Variants in RGS6 observed in about 807,000 individuals in gnomAD.
The protein encoded by RGS6 is regulator of G-protein signaling 6.
Under a neutral mutation model 78.5 loss-of-function variants are expected in RGS6, and 30 were observed. That is an observed-to-expected ratio of 0.38 (90% CI 0.29 to 0.52). The LOEUF is 0.52. Ranked by LOEUF, RGS6 falls within the 20% of genes least tolerant of loss-of-function variation. The pLI is 0.85. For missense variants in RGS6, 495 were observed against 609.7 expected (o/e 0.81, Z 1.98); for synonymous variants, 206 against 206.0 (o/e 1.00, Z 0.00).
At chr14:71,911,830 A>G in the RGS6 span, among the ~76,000 whole-genome samples, 50 of 152,194 alleles carry the variant, frequency 3.3e-4, no homozygotes, top group Non-Finnish European at 3.7e-4. Flanking sequence ...GGAGGAAGAG[A>G]AGGGTGAGAC....
At chr14:71,944,751 C>T (rs565710240) in intron 1 of RGS6, among the ~76,000 whole-genome samples, 4 of 152,266 alleles carry the variant, frequency 2.6e-5, no homozygotes, top group South Asian at 2.1e-4. Flanking sequence ...AATACAGTCA[C>T]GTGTCACTTA....
At chr14:72,623,034 T>C in the RGS6 span, among the ~76,000 whole-genome samples, 1 of 152,224 alleles carries the variant, frequency 6.6e-6, no homozygotes, top group East Asian at 1.9e-4. Flanking sequence ...TCCAGATTAA[T>C]CTCTAAGATA....
At chr14:71,992,350 CTAAA>C (rs2094994581) in intron 2 of RGS6, among the ~76,000 whole-genome samples, 2 of 152,290 alleles carry the variant, frequency 1.3e-5, no homozygotes, top group South Asian at 4.1e-4. Context: ...TTTTTAATGC[CTAAA>C]TAGTGTTCTA....
the RGS6 span, among the ~76,000 whole-genome samples, chr14:72,612,952 T>C: frequency 6.6e-6 from 1 of 151,778 alleles, no homozygotes; most frequent in Non-Finnish European, 1.5e-5. Context: ...CCTCTTGTCC[T>C]GGAGCAACAT....
At chr14:72,532,960 A>G (rs908320098) in intron 15 of RGS6, among the ~76,000 whole-genome samples, 2 of 152,260 alleles carry the variant, frequency 1.3e-5, no homozygotes, top group Admixed American at 1.3e-4. Flanking sequence ...AGATCTAGCT[A>G]AGATCATTGA....
At chr14:72,589,193 T>C in the RGS6 span, among the ~76,000 whole-genome samples, 1 of 151,950 alleles carries the variant, frequency 6.6e-6, no homozygotes, top group Non-Finnish European at 1.5e-5. Flanking sequence ...AATAAAGATA[T>C]CCAGAGCTAG....
chr14:72,430,522 G>A (rs1566827489), intron 3 of RGS6, among the ~76,000 whole-genome samples: 3 of 152,176 alleles, frequency 2.0e-5, no homozygotes, highest in Non-Finnish European at 2.9e-5. Context: ...ACCTTTGTTG[G>A]CTGCACAACA....
chr14:72,090,151 AAC>A (rs2095218652), intron 2 of RGS6, among the ~76,000 whole-genome samples: 1 of 151,938 alleles, frequency 6.6e-6, no homozygotes, highest in South Asian at 2.1e-4. Flanking sequence ...ACAGTGGCTA[AAC>A]ACAAAACCAG....
chr14:72,537,624 T>A (rs2097268051), intron 16 of RGS6: 1 of 694,156 alleles, frequency 1.4e-6, no homozygotes, highest in East Asian at 2.7e-5. Context: ...CCCTCATACA[T>A]GGCTCTAATG....
At chr14:72,572,570 C>T in the RGS6 span, among the ~76,000 whole-genome samples, 1 of 152,134 alleles carries the variant, frequency 6.6e-6, no homozygotes, top group Non-Finnish European at 1.5e-5. Flanking sequence ...TGTATGACTC[C>T]ATTTACAAAG....
At chr14:72,449,691 G>T (rs1388363760) in intron 3 of RGS6, among the ~76,000 whole-genome samples, 2 of 152,196 alleles carry the variant, frequency 1.3e-5, no homozygotes, top group African/African-American at 4.8e-5. Flanking sequence ...GTGCAGGTTG[G>T]CACCCTTAGG....
chr14:72,248,432 TAAATC>T (rs2054788643), intron 2 of RGS6, among the ~76,000 whole-genome samples: 1 of 152,234 alleles, frequency 6.6e-6, no homozygotes, highest in African/African-American at 2.4e-5. Context: ...TTGCTAATTT[TAAATC>T]AATTCATAAA....
chr14:72,376,609 C>A (rs1274481585), intron 3 of RGS6, among the ~76,000 whole-genome samples: 1 of 152,114 alleles, frequency 6.6e-6, no homozygotes, highest in Non-Finnish European at 1.5e-5. Flanking sequence ...ATAAGGTAAT[C>A]TCCATCAGAT....
At chr14:72,616,373 T>A in the RGS6 span, among the ~76,000 whole-genome samples, 92 of 152,250 alleles carry the variant, frequency 6.0e-4, no homozygotes, top group African/African-American at 2.0e-3. Context: ...CCCAACCCCA[T>A]GTACATCCCT....
intron 2 of RGS6, among the ~76,000 whole-genome samples, chr14:72,348,648 A>G (rs567477350): frequency 5.3e-5 from 8 of 152,346 alleles, no homozygotes; most frequent in African/African-American, 7.2e-5. Flanking sequence ...AATAGTATAT[A>G]TAGTCCCTAA....
At chr14:72,041,197 G>T (rs1325919153) in intron 2 of RGS6, among the ~76,000 whole-genome samples, 1 of 152,176 alleles carries the variant, frequency 6.6e-6, no homozygotes, top group African/African-American at 2.4e-5. Flanking sequence ...ACAACAACCA[G>T]CTCTTCCAGT....
intron 2 of RGS6, among the ~76,000 whole-genome samples, chr14:71,988,479 T>C (rs913179849): frequency 3.3e-5 from 5 of 152,310 alleles, no homozygotes; most frequent in African/African-American, 1.2e-4. Context: ...GTGAACATTA[T>C]GTGAAATTCA....
At chr14:72,167,057 T>C (rs1164310810) in intron 2 of RGS6, among the ~76,000 whole-genome samples, 1 of 152,246 alleles carries the variant, frequency 6.6e-6, no homozygotes, top group Non-Finnish European at 1.5e-5. Context: ...AAGTCATTTT[T>C]TTTTCATACC....
intron 2 of RGS6, among the ~76,000 whole-genome samples, chr14:72,223,704 A>G (rs2047420423): frequency 6.6e-6 from 1 of 152,266 alleles, no homozygotes; most frequent in Admixed American, 6.5e-5. Context: ...TGGTTTACCC[A>G]GAGATGCAAT....
Sources: allele counts gnomAD v4.1 joint callset (sites outside exome capture counted in the v4.1 genomes callset), GRCh38; gene constraint gnomAD v4.1.1; transcripts MANE v1.5; gene names NCBI Gene and HGNC (gene_info 2026-07-23, HGNC 2026-07-21).